NFIB: variants seen among roughly 807,000 people sequenced by gnomAD.
NFIB encodes nuclear factor 1 B-type.
Under a neutral mutation model 61.5 loss-of-function variants are expected in NFIB, and 11 were observed. The ratio of observed to expected loss-of-function variants is 0.18; its 90% CI spans 0.11 to 0.30. The LOEUF (loss-of-function observed/expected upper bound fraction) is 0.30. NFIB is among the 10% of genes least tolerant of loss of function. The pLI, the probability that NFIB is intolerant of heterozygous loss-of-function variation, is 1.00. For synonymous variants in NFIB, 260 were observed against 216.5 expected (o/e 1.20, Z -1.76); for missense variants, 471 against 608.9 (o/e 0.77, Z 2.38).
intron 1 of NFIB, among the ~76,000 whole-genome samples, chr9:14,354,455 C>G (rs1045348665): frequency 7.9e-5 from 12 of 152,186 alleles, no homozygotes; most frequent in Admixed American, 3.9e-4. Flanking sequence ...AGGCACAAGA[C>G]CAAAATCTTC....
the NFIB span, among the ~76,000 whole-genome samples, chr9:14,503,770 G>T: frequency 6.6e-6 from 1 of 152,088 alleles, no homozygotes; most frequent in East Asian, 1.9e-4. Flanking sequence ...CCCTTCTGTG[G>T]GTTGTCTCTT....
At chr9:14,109,892 A>G (rs1292183560) in intron 10 of NFIB, among the ~76,000 whole-genome samples, 1 of 152,126 alleles carries the variant, frequency 6.6e-6, no homozygotes, top group Non-Finnish European at 1.5e-5. Flanking sequence ...AGAATAAACT[A>G]GTATTCCCAA....
At chr9:14,470,609 G>T in the NFIB span, among the ~76,000 whole-genome samples, 2 of 152,278 alleles carry the variant, frequency 1.3e-5, no homozygotes, top group South Asian at 2.1e-4. Flanking sequence ...AGGGGCTTGG[G>T]ATAGGGGGAT....
chr9:14,190,841 G>A (rs1191764515), intron 2 of NFIB, among the ~76,000 whole-genome samples: 3 of 152,100 alleles, frequency 2.0e-5, no homozygotes, highest in Non-Finnish European at 4.4e-5. Flanking sequence ...CATGAAGATG[G>A]GGCATTTTAT....
intron 1 of NFIB, among the ~76,000 whole-genome samples, chr9:14,323,646 T>C (rs2060712230): frequency 6.6e-6 from 1 of 152,200 alleles, no homozygotes; most frequent in Non-Finnish European, 1.5e-5. Flanking sequence ...CCAGTGAGAC[T>C]AGAATAGCTC....
chr9:14,213,403 C>A (rs1416862219), intron 2 of NFIB, among the ~76,000 whole-genome samples: 10 of 152,222 alleles, frequency 6.6e-5, no homozygotes, highest in Non-Finnish European at 1.3e-4. Flanking sequence ...TTCTCCACAG[C>A]AGTGGTTCTT....
chr9:14,380,056 G>C (rs946472212), intron 1 of NFIB, among the ~76,000 whole-genome samples: 13 of 151,944 alleles, frequency 8.6e-5, no homozygotes, highest in African/African-American at 2.7e-4. Context: ...GAATATTTCT[G>C]GCTTCTGCCA....
the NFIB span, among the ~76,000 whole-genome samples, chr9:14,469,019 C>T: frequency 6.6e-6 from 1 of 152,176 alleles, no homozygotes; most frequent in Non-Finnish European, 1.5e-5. Context: ...CTGGGACAGG[C>T]AGGCAGGCAC....
chr9:14,167,485 A>C (rs898853605), intron 3 of NFIB, among the ~76,000 whole-genome samples: 1 of 152,156 alleles, frequency 6.6e-6, no homozygotes, highest in Non-Finnish European at 1.5e-5. Flanking sequence ...ATGAGCCAAG[A>C]TCACACCACT....
At chr9:14,272,015 G>C (rs1358374893) in intron 2 of NFIB, among the ~76,000 whole-genome samples, 1 of 152,102 alleles carries the variant, frequency 6.6e-6, no homozygotes, top group Non-Finnish European at 1.5e-5. Flanking sequence ...GAGTGCATAA[G>C]ACTAGTATTT....
intron 2 of NFIB, among the ~76,000 whole-genome samples, chr9:14,212,483 G>A (rs758225080): frequency 2.0e-5 from 3 of 151,942 alleles, no homozygotes; most frequent in Non-Finnish European, 4.4e-5. Flanking sequence ...ATTAAAACAA[G>A]GTTAGAAAAC....
At chr9:14,196,560 T>C (rs2048491733) in intron 2 of NFIB, among the ~76,000 whole-genome samples, 1 of 151,842 alleles carries the variant, frequency 6.6e-6, no homozygotes, top group Non-Finnish European at 1.5e-5. Context: ...TAATCACAAA[T>C]CAAACAACAG....
At chr9:14,262,426 T>C (rs1244455216) in intron 2 of NFIB, among the ~76,000 whole-genome samples, 2 of 152,160 alleles carry the variant, frequency 1.3e-5, no homozygotes, top group African/African-American at 2.4e-5. Flanking sequence ...AGATATGAAA[T>C]AAACATGTTC....
At chr9:14,119,095 T>C (rs935568896) in intron 8 of NFIB, among the ~76,000 whole-genome samples, 1 of 152,172 alleles carries the variant, frequency 6.6e-6, no homozygotes, top group African/African-American at 2.4e-5. Context: ...AATTAGACTT[T>C]GTTATTCATG....
the NFIB span, among the ~76,000 whole-genome samples, chr9:14,468,401 C>A: frequency 6.6e-5 from 10 of 152,088 alleles, no homozygotes; most frequent in African/African-American, 2.2e-4. Context: ...GGGTCATTTC[C>A]AACATTTAGC....
At chr9:14,387,574 A>G (rs1038532899) in intron 1 of NFIB, among the ~76,000 whole-genome samples, 24 of 152,250 alleles carry the variant, frequency 1.6e-4, no homozygotes, top group Non-Finnish European at 2.5e-4. Context: ...TTGAGGATTC[A>G]TAAGCTATAA....
At position 14,116,316 on chromosome 9, in the gene NFIB, C is replaced by G. The variant is rs2038129538; in HGVS notation, c.1276G>C (p.Val426Leu). The change falls in exon 9 of 11, where the codon GTG becomes CTG. Residue 426 changes from valine to leucine, a missense_variant. Around this residue, in one of 2 missense-constraint regions of NFIB, gnomAD observed 372 missense variants for 395.6 expected, o/e 0.94. Transcript: ENST00000380953. ...PNGSGQVVGK[V>L]PGHFTPVLAP... ...AAGACAGGAGTGAAATGGCCAGGCACTTTCCCTACTACTTGACCACTGCCG... is the reference window on the plus strand; with the variant it reads ...AAGACAGGAGTGAAATGGCCAGGCAGTTTCCCTACTACTTGACCACTGCCG... The G allele has an allele frequency of 6.5e-7, 1 of 1,533,200 alleles. No homozygotes were observed. Among genetic ancestry groups the G allele is most frequent in the Non-Finnish European group, 8.8e-7 (1 of 1,138,574 alleles). The allele number at this position is 1,533,200 out of a possible 1,614,324, so 95.0% of individuals were successfully genotyped here.
chr9:14,461,183 C>G, the NFIB span, among the ~76,000 whole-genome samples: 1 of 152,062 alleles, frequency 6.6e-6, no homozygotes, highest in African/African-American at 2.4e-5. Flanking sequence ...TTTTTTATCC[C>G]TCAGTAGATT....
chr9:14,249,190 T>C (rs2055287761), intron 2 of NFIB, among the ~76,000 whole-genome samples: 1 of 152,196 alleles, frequency 6.6e-6, no homozygotes, highest in Admixed American at 6.5e-5. Context: ...ATATTTCAAA[T>C]TTAGTATTTC....
Sources: allele counts gnomAD v4.1 joint callset (sites outside exome capture counted in the v4.1 genomes callset), GRCh38; gene constraint gnomAD v4.1.1; regional missense constraint gnomAD v4.1.1; transcripts MANE v1.5; gene names NCBI Gene and HGNC (gene_info 2026-07-23, HGNC 2026-07-21).